MAN1A2: variants seen among roughly 807,000 people sequenced by gnomAD.
MAN1A2 encodes the protein mannosyl-oligosaccharide 1,2-alpha-mannosidase IB.
In MAN1A2, 26 loss-of-function variants were observed where a neutral mutation model predicts 75.7. That is an observed-to-expected ratio of 0.34 (90% CI 0.25 to 0.48). MAN1A2 has a LOEUF of 0.48. Ranked by LOEUF, MAN1A2 falls within the 20% of genes least tolerant of loss-of-function variation. The probability of loss-of-function intolerance (pLI) is 0.99; values close to 1 mark genes in which losing one functional copy is unlikely to be tolerated. For synonymous variants in MAN1A2, 247 were observed against 264.6 expected, an observed-to-expected ratio of 0.93 and a Z score of 0.65; for missense variants, 562 against 775.5, an observed-to-expected ratio of 0.72 and a Z score of 3.27.
At chr1:117,458,206 ACT>A (rs1176710779) in intron 6 of MAN1A2, among the ~76,000 whole-genome samples, 4 of 151,874 alleles carry the variant, frequency 2.6e-5, no homozygotes, top group Admixed American at 6.6e-5. Context: ...CAGGTTCACC[ACT>A]CTCTCACAGC....
Position 117,466,397 on chromosome 1 carries a change from T to C in MAN1A2, c.1138T>C (p.Leu380=), listed in dbSNP as rs756184882. 4 of 1,611,894 alleles carry C rather than the reference T, an allele frequency of 2.5e-6. No individual in the cohort carries two copies. The highest frequency in any genetic ancestry group is 1.6e-4 in the Middle Eastern group (1 of 6,074). The change falls in exon 8 of 13, where the codon TTG becomes CTG. Residue 380 remains leucine (L), a synonymous_variant. Transcript: ENST00000356554. Reference sequence around the variant, plus strand: ...TCCAAATGGTCTTTATCCAAATTATTTGAACCCCAGAACAGGGCGCTGGGG... The same window carrying C: ...TCCAAATGGTCTTTATCCAAATTATCTGAACCCCAGAACAGGGCGCTGGGG... ...DRPNGLYPNY[L]NPRTGRWGQY...
At position 117,368,164 on chromosome 1, in the gene MAN1A2, T is replaced by A. The variant is rs1240953190; in HGVS notation, c.-20T>A. The A allele has an allele frequency of 3.2e-6, 5 of 1,576,562 alleles. No homozygotes were observed. Among genetic ancestry groups the A allele is most frequent in the Non-Finnish European group, 4.3e-6 (5 of 1,166,446 alleles). The stretch of plus-strand genomic sequence containing the variant: ...ATAAGATGAGAACTTTCTAAAGTAT[T>A]CTCTCCAAGAGCGTAAACGATGACT... On this transcript the variant is annotated 5_prime_UTR_variant, in exon 1 of 13. Coordinates refer to ENST00000356554, the MANE Select transcript of MAN1A2 (RefSeq NM_006699.5).
rs894296703 is a variant in MAN1A2, at chr1:117,525,657, A to G, written c.*2700A>G. On this transcript the variant is annotated 3_prime_UTR_variant, in exon 13 of 13. Transcript: ENST00000356554. The stretch of plus-strand genomic sequence containing the variant: ...CAGTTGGTGCATAATCGAAAAAAAT[A>G]GGAATTTTGAACACTGTTCTTCCTT... 6.6e-6 allele frequency: 1 copy of G among 151,988 alleles called. No homozygotes were observed. The highest frequency in any genetic ancestry group is 6.6e-5 in the Admixed American group (1 of 15,242). 9.4% of individuals were successfully genotyped at this position (151,988 alleles called of 1,614,324 possible). A position where few individuals can be genotyped will look rare whatever the true frequency, so the allele number is the denominator to read the frequency against.
chr1:117,454,050 A>C (rs1168991869), intron 6 of MAN1A2, among the ~76,000 whole-genome samples: 2 of 152,212 alleles, frequency 1.3e-5, no homozygotes, highest in Admixed American at 1.3e-4. Context: ...TTTTCAAATT[A>C]AGATATGAAC....
At chr1:117,406,989 T>C (rs1647637463) in intron 3 of MAN1A2, among the ~76,000 whole-genome samples, 1 of 152,138 alleles carries the variant, frequency 6.6e-6, no homozygotes, top group Admixed American at 6.5e-5. Flanking sequence ...ATCAAATAGA[T>C]ACTGGTCCTA....
intron 11 of MAN1A2, among the ~76,000 whole-genome samples, chr1:117,500,900 T>C (rs1321568584): frequency 6.6e-6 from 1 of 151,822 alleles, no homozygotes; most frequent in Non-Finnish European, 1.5e-5. Flanking sequence ...CACTCTTTCA[T>C]GTAAGGGAAA....
At chr1:117,436,626 G>A (rs368463151) in intron 5 of MAN1A2, among the ~76,000 whole-genome samples, 1 of 152,326 alleles carries the variant, frequency 6.6e-6, no homozygotes, top group East Asian at 1.9e-4. Context: ...TAGGGATGAG[G>A]TAATGTCCAC....
intron 8 of MAN1A2, among the ~76,000 whole-genome samples, chr1:117,481,150 C>T (rs912447488): frequency 1.3e-5 from 2 of 151,872 alleles, no homozygotes; most frequent in Admixed American, 1.3e-4. Context: ...TCTCTCAACT[C>T]TTGAACTTTT....
intron 8 of MAN1A2, among the ~76,000 whole-genome samples, chr1:117,477,547 T>C (rs546173324): frequency 3.3e-5 from 5 of 152,008 alleles, no homozygotes; most frequent in Non-Finnish European, 7.4e-5. Context: ...CACGTGATTA[T>C]CTCAATAGAT....
rs1652095360 is a variant in MAN1A2 at position 117,528,809 on chromosome 1, T to C, written c.*5852T>C. The C allele has an allele frequency of 6.6e-6, 1 of 152,212 alleles. No homozygotes were observed. The highest frequency in any genetic ancestry group is 1.9e-4 in the East Asian group (1 of 5,178). The allele number at this position is 152,212 out of a possible 1,614,324, so 9.4% of individuals were successfully genotyped here. On this transcript the variant is annotated 3_prime_UTR_variant, in exon 13 of 13. Coordinates refer to ENST00000356554, the MANE Select transcript of MAN1A2 (RefSeq NM_006699.5). ...TCCAGTCATGTCCTCCAGTATGTGATTTTTATAAATTAAAGGTAATATTGT... is the reference window on the plus strand; with the variant it reads ...TCCAGTCATGTCCTCCAGTATGTGACTTTTATAAATTAAAGGTAATATTGT...
intron 3 of MAN1A2, among the ~76,000 whole-genome samples, chr1:117,412,903 T>C: frequency 6.6e-6 from 1 of 151,806 alleles, no homozygotes; most frequent in East Asian, 1.9e-4. Context: ...GTCAATACCT[T>C]AGAGAAATAT....
At position 117,425,458 on chromosome 1, in the gene MAN1A2, A is replaced by G. The variant is rs191606654; in HGVS notation, c.855+4809A>G. Among the ~76,000 whole-genome samples the G allele has an allele frequency of 2.0e-3, 298 of 152,328 alleles. 3 individuals are homozygous for G. The highest frequency in any genetic ancestry group is 6.8e-3 in the African/African-American group (281 of 41,574). Reference sequence around the variant, plus strand: ...AGATGCAAAAAATTCTCAACAATGTATCACAAAATCAAATCTAGCAATATA... The same window carrying G: ...AGATGCAAAAAATTCTCAACAATGTGTCACAAAATCAAATCTAGCAATATA... On this transcript the variant is annotated intron_variant, in intron 5 of 12. Coordinates refer to ENST00000356554, the MANE Select transcript of MAN1A2 (RefSeq NM_006699.5).
intron 1 of MAN1A2, among the ~76,000 whole-genome samples, chr1:117,393,185 C>A (rs990156577): frequency 6.6e-6 from 1 of 152,164 alleles, no homozygotes; most frequent in Non-Finnish European, 1.5e-5. Flanking sequence ...TGTTCATTTG[C>A]TGTTGAAAAT....
At chr1:117,437,550 TGTGTGC>T (rs1469380609) in intron 5 of MAN1A2, among the ~76,000 whole-genome samples, 1 of 152,116 alleles carries the variant, frequency 6.6e-6, no homozygotes, top group African/African-American at 2.4e-5. Flanking sequence ...TGTAGGAGTG[TGTGTGC>T]GTGTGTGTGT....
intron 3 of MAN1A2, among the ~76,000 whole-genome samples, chr1:117,406,960 A>G (rs1309496535): frequency 6.6e-6 from 1 of 152,124 alleles, no homozygotes; most frequent in Non-Finnish European, 1.5e-5. Flanking sequence ...TTCTCAGAAC[A>G]TCTAATGTAT....
chr1:117,402,948 G>T (rs1260025003), intron 2 of MAN1A2, among the ~76,000 whole-genome samples: 1 of 152,008 alleles, frequency 6.6e-6, no homozygotes, highest in Admixed American at 6.5e-5. Flanking sequence ...AAATGGGAAA[G>T]AATTGATTTC....
chr1:117,382,064 T>C (rs1021246840), intron 1 of MAN1A2, among the ~76,000 whole-genome samples: 1 of 152,144 alleles, frequency 6.6e-6, no homozygotes, highest in African/African-American at 2.4e-5. Flanking sequence ...TTGAGTTCAT[T>C]GTAGATTCTG....
At position 117,368,191 on chromosome 1, in the gene MAN1A2, C is replaced by T. The variant is rs749649945; in HGVS notation, c.8C>T (p.Thr3Ile). 9.9e-6 allele frequency: 16 copies of T among 1,611,690 alleles called. No homozygotes were observed. The highest frequency in any genetic ancestry group is 1.7e-5 in the Admixed American group (1 of 59,728). Residue 3 changes from threonine (T) to isoleucine (I), a missense_variant, in exon 1 of 13, where the codon ACC (threonine) becomes ATC (isoleucine). Physicochemically the swap from Thr to Ile is moderately conservative, Grantham distance 89. Transcript: ENST00000356554. Reference sequence around the variant, plus strand: ...TCTCCAAGAGCGTAAACGATGACTACCCCAGCCCTGCTGCCCCTCTCTGGA... The same window carrying T: ...TCTCCAAGAGCGTAAACGATGACTATCCCAGCCCTGCTGCCCCTCTCTGGA... MT[T>I]PALLPLSGRR...
intron 12 of MAN1A2, among the ~76,000 whole-genome samples, chr1:117,513,809 T>A (rs1651622036): frequency 6.6e-6 from 1 of 152,172 alleles, no homozygotes; most frequent in Non-Finnish European, 1.5e-5. Context: ...TCTGGCTTTT[T>A]AAAAAATTTC....
Sources: gnomAD v4.1 joint callset for allele counts (sites outside exome capture counted in the v4.1 genomes callset) on GRCh38, gnomAD v4.1.1 for gene constraint, MANE v1.5 for transcripts, NCBI Gene and HGNC (gene_info 2026-07-23, HGNC 2026-07-21) for gene names.